FBXW7: variants seen among roughly 807,000 people sequenced by gnomAD.
The protein encoded by FBXW7 is F-box and WD repeat domain containing 7, also known as F-box/WD repeat-containing protein 7.
A neutral mutation model predicts 86.3 loss-of-function variants in FBXW7; 11 were observed. The ratio of observed to expected loss-of-function variants is 0.13; its 90% confidence interval spans 0.08 to 0.21. The LOEUF (loss-of-function observed/expected upper bound fraction) is 0.21. FBXW7 is among the 10% of genes least tolerant of loss of function. FBXW7 has a pLI of 1.00. For synonymous variants in FBXW7, 313 were observed against 297.9 expected (o/e 1.05, Z -0.52); for missense variants, 488 against 847.4 (o/e 0.58, Z 5.27).
At chr4:152,443,093 T>A (rs1467363397) in intron 2 of FBXW7, among the ~76,000 whole-genome samples, 1 of 152,052 alleles carries the variant, frequency 6.6e-6, no homozygotes, top group Non-Finnish European at 1.5e-5. Flanking sequence ...AGAAGCCCTG[T>A]CTCTACTAAA....
intron 4 of FBXW7, among the ~76,000 whole-genome samples, chr4:152,404,371 G>C (rs1014450335): frequency 1.3e-5 from 2 of 152,046 alleles, no homozygotes; most frequent in African/African-American, 4.8e-5. Flanking sequence ...ATGTATTTAA[G>C]AAAAAATAAC....
intron 2 of FBXW7, among the ~76,000 whole-genome samples, chr4:152,452,288 GT>G (rs1225396671): frequency 2.0e-5 from 3 of 152,164 alleles, no homozygotes; most frequent in Non-Finnish European, 2.9e-5. Context: ...ATTTTTAAAA[GT>G]TTAAAGAGAT....
At chr4:152,461,999 G>C (rs547159943) in intron 2 of FBXW7, among the ~76,000 whole-genome samples, 9 of 152,260 alleles carry the variant, frequency 5.9e-5, no homozygotes, top group African/African-American at 2.2e-4. Context: ...CAGATTCCAA[G>C]AACCTATCAA....
intron 4 of FBXW7, among the ~76,000 whole-genome samples, chr4:152,394,284 T>C (rs1736235316): frequency 6.6e-6 from 1 of 152,152 alleles, no homozygotes; most frequent in African/African-American, 2.4e-5. Flanking sequence ...CAGTTTCAGC[T>C]ATTCAGTTCA....
chr4:152,507,504 G>A (rs1406245889), intron 2 of FBXW7, among the ~76,000 whole-genome samples: 1 of 152,166 alleles, frequency 6.6e-6, no homozygotes, highest in Non-Finnish European at 1.5e-5. Flanking sequence ...AAATTAAACA[G>A]TCTGCTACAA....
intron 2 of FBXW7, among the ~76,000 whole-genome samples, chr4:152,533,607 A>C (rs1266699312): frequency 6.6e-6 from 1 of 152,202 alleles, no homozygotes; most frequent in African/African-American, 2.4e-5. Flanking sequence ...AGTTGGAGAA[A>C]CTGATGGTAG....
chr4:152,326,905 C>T (rs988700893), intron 11 of FBXW7, among the ~76,000 whole-genome samples: 1 of 151,834 alleles, frequency 6.6e-6, no homozygotes, highest in African/African-American at 2.4e-5. Flanking sequence ...ATGCAATAGG[C>T]TATAAAAATA....
intron 4 of FBXW7, among the ~76,000 whole-genome samples, chr4:152,382,688 ACTAAT>A (rs953294018): frequency 2.0e-5 from 3 of 152,112 alleles, no homozygotes; most frequent in Non-Finnish European, 4.4e-5. Context: ...TCTCCAACTA[ACTAAT>A]CTAAGAGTGT....
At chr4:152,346,862 G>C (rs1167105829) in intron 6 of FBXW7, 68 bp downstream of exon 6, 3 of 1,575,374 alleles carry the variant, frequency 1.9e-6, no homozygotes, top group African/African-American at 1.4e-5. Context: ...CTTTTTTTAC[G>C]GATGAATAAT....
intron 4 of FBXW7, among the ~76,000 whole-genome samples, chr4:152,387,144 C>G (rs1238846446): frequency 1.3e-5 from 2 of 152,134 alleles, no homozygotes; most frequent in Admixed American, 6.5e-5. Context: ...TGACTTTATA[C>G]CAAGAGTTTT....
chr4:152,327,024 T>C (rs1033157711), intron 11 of FBXW7, among the ~76,000 whole-genome samples: 1 of 152,078 alleles, frequency 6.6e-6, no homozygotes, highest in Non-Finnish European at 1.5e-5. Context: ...CAGAGCAATA[T>C]ACAAATACTG....
At chr4:152,347,979 G>A (rs1401550485) in intron 5 of FBXW7, among the ~76,000 whole-genome samples, 1 of 152,006 alleles carries the variant, frequency 6.6e-6, no homozygotes, top group Non-Finnish European at 1.5e-5. Flanking sequence ...TGGAAAAAAA[G>A]CAGCAGGAAG....
intron 2 of FBXW7, among the ~76,000 whole-genome samples, chr4:152,464,581 T>G (rs74378077): frequency 0.031 from 4,659 of 152,230 alleles, 118 homozygotes; most frequent in African/African-American, 0.061. Context: ...GGGAAAATGT[T>G]AATTTGTACT....
chr4:152,402,324 T>G (rs1386528877), intron 4 of FBXW7, among the ~76,000 whole-genome samples: 1 of 152,140 alleles, frequency 6.6e-6, no homozygotes. Context: ...CAATAAATAT[T>G]ATTAGGCAAT....
chr4:152,490,268 T>C (rs989498803), intron 2 of FBXW7, among the ~76,000 whole-genome samples: 4 of 152,088 alleles, frequency 2.6e-5, no homozygotes, highest in East Asian at 1.9e-4. Context: ...TTGCAAAATA[T>C]TGTGAATGTA....
chr4:152,338,609 C>A (rs1027761260), intron 6 of FBXW7, among the ~76,000 whole-genome samples: 1 of 151,968 alleles, frequency 6.6e-6, no homozygotes, highest in Non-Finnish European at 1.5e-5. Flanking sequence ...CAAAAACACA[C>A]AATCATGCTT....
intron 2 of FBXW7, among the ~76,000 whole-genome samples, chr4:152,508,668 A>C (rs1298293101): frequency 3.4e-5 from 5 of 149,190 alleles, no homozygotes; most frequent in African/African-American, 4.9e-5. Flanking sequence ...AAAAAAAAAG[A>C]AAAAAAAAAC....
chr4:152,402,576 T>C (rs1737044935), intron 4 of FBXW7, among the ~76,000 whole-genome samples: 1 of 152,194 alleles, frequency 6.6e-6, no homozygotes, highest in Admixed American at 6.5e-5. Flanking sequence ...CAGCATAAGA[T>C]CTGAGTTCCA....
intron 2 of FBXW7, among the ~76,000 whole-genome samples, chr4:152,498,663 C>T (rs1002860916): frequency 6.6e-6 from 1 of 152,134 alleles, no homozygotes; most frequent in Admixed American, 6.5e-5. Context: ...CAAAAAAACA[C>T]CTTGCACTTA....
Sources: allele counts gnomAD v4.1 joint callset (sites outside exome capture counted in the v4.1 genomes callset), GRCh38; gene constraint gnomAD v4.1.1; transcripts MANE v1.5; gene names NCBI Gene and HGNC (gene_info 2026-07-23, HGNC 2026-07-21).